Variants in PRICKLE1 observed in about 807,000 individuals in gnomAD.
The protein encoded by PRICKLE1 is prickle planar cell polarity protein 1.
Under a neutral mutation model 70.2 loss-of-function variants are expected in PRICKLE1, and 14 were observed. That is an observed-to-expected ratio of 0.20 (90% CI 0.13 to 0.31). The LOEUF (loss-of-function observed/expected upper bound fraction) is 0.31. PRICKLE1 is among the 10% of genes least tolerant of loss of function. PRICKLE1 has a pLI of 1.00. For synonymous variants in PRICKLE1, 357 were observed against 379.9 expected (o/e 0.94, Z 0.70); for missense variants, 821 against 1,026.2 (o/e 0.80, Z 2.73).
Position 42,459,836 on chromosome 12 carries a change from G to A in PRICKLE1, c.2469C>T (p.His823=), listed in dbSNP as rs766549997. 1 of 1,614,122 alleles carries A rather than the reference G, an allele frequency of 6.2e-7. No individual in the cohort carries two copies. Among genetic ancestry groups the A allele is most frequent in the South Asian group, 1.1e-5 (1 of 91,056 alleles). The change falls in exon 8 of 8, where the codon CAC becomes CAT. Residue 823 remains histidine, a synonymous_variant. Transcript: ENST00000345127. The stretch of plus-strand genomic sequence containing the variant: ...AAGAAATAATACAATTTTTGCCCTT[G>A]TGTCCCTTTTTCTTCTTGGATTTTG... The part of the protein sequence containing the change: ...RTTKSKKKKG[H]KGKNCIIS
At chr12:42,465,906 C>T in intron 6 of PRICKLE1, 1 of 494,064 alleles carries the variant, frequency 2.0e-6, no homozygotes, top group Non-Finnish European at 3.7e-6. Flanking sequence ...CTGCTGTGAC[C>T]AGAGGCTCAC....
chr12:42,511,869 G>T (rs1453331670), intron 1 of PRICKLE1, among the ~76,000 whole-genome samples: 1 of 152,158 alleles, frequency 6.6e-6, no homozygotes. Context: ...TGCAAAGAAT[G>T]CTTGAAAAAA....
At chr12:42,468,570 T>C in intron 5 of PRICKLE1, 56 bp downstream of exon 5, 1 of 1,500,568 alleles carries the variant, frequency 6.7e-7, no homozygotes, top group South Asian at 1.1e-5. Context: ...AACAGTGGAA[T>C]ATTGGCTTAA....
At chr12:42,468,210 A>G (rs912974006) in intron 5 of PRICKLE1, among the ~76,000 whole-genome samples, 11 of 152,220 alleles carry the variant, frequency 7.2e-5, no homozygotes, top group African/African-American at 2.4e-4. Context: ...AACTACTATT[A>G]ATTTGGTATT....
At chr12:42,542,576 A>T (rs1370590726) in intron 1 of PRICKLE1, among the ~76,000 whole-genome samples, 2 of 152,128 alleles carry the variant, frequency 1.3e-5, no homozygotes, top group Non-Finnish European at 2.9e-5. Flanking sequence ...GTTTGAACCC[A>T]GGAGGCGGAG....
At chr12:42,466,449 C>A in intron 5 of PRICKLE1, 69 bp from the exon 6 acceptor site, 1 of 1,419,154 alleles carries the variant, frequency 7.0e-7, no homozygotes, top group Non-Finnish European at 9.9e-7. Context: ...GGCCAAGTAA[C>A]TGCATGTTTT....
At chr12:42,508,553 T>A (rs569652280) in intron 1 of PRICKLE1, among the ~76,000 whole-genome samples, 1 of 152,190 alleles carries the variant, frequency 6.6e-6, no homozygotes, top group Non-Finnish European at 1.5e-5. Flanking sequence ...TCAACAGGAC[T>A]CATTGATAAG....
Position 42,472,565 on chromosome 12 carries a change from C to T in PRICKLE1, c.-48-1G>A, listed in dbSNP as rs1370762028. On this transcript the variant is annotated splice_acceptor_variant, in intron 1 of 7. Transcript: ENST00000345127. LOFTEE classifies it low-confidence loss of function (5UTR_SPLICE). ...GTCACAGGACATCAAACAATGGCTG[C>T]TGTGAACAATATAAGAAAAAACAAA... is the stretch of plus-strand genomic sequence containing the variant. The T allele has an allele frequency of 1.9e-6, 3 of 1,612,382 alleles. No individual in the cohort carries two copies. The highest frequency in any genetic ancestry group is 2.5e-6 in the Non-Finnish European group (3 of 1,178,660).
At chr12:42,502,988 T>A (rs1244113398) in intron 1 of PRICKLE1, among the ~76,000 whole-genome samples, 1 of 152,214 alleles carries the variant, frequency 6.6e-6, no homozygotes, top group Admixed American at 6.5e-5. Flanking sequence ...CTTGTAATAT[T>A]TTAAAATGTA....
intron 1 of PRICKLE1, among the ~76,000 whole-genome samples, chr12:42,585,479 A>AC (rs1159391147): frequency 6.6e-6 from 1 of 151,822 alleles, no homozygotes; most frequent in Non-Finnish European, 1.5e-5. Context: ...CACCCTCCCC[A>AC]CCCCCCACAA....
In PRICKLE1 at chr12:42,460,625, C is replaced by G. The variant is rs1310624941; in HGVS notation, c.1680G>C (p.Leu560Phe). 3 of 1,612,440 alleles carry G rather than the reference C, an allele frequency of 1.9e-6. No individual in the cohort carries two copies. The Admixed American group carries it at 5.0e-5, about 27-fold the overall frequency. ...VDGENKPRPS[L>F]YSLQNFEEME... ...TCTCCTCAAAATTTTGCAGAGAATA[C>G]AATGATGGCCTTGGCTTGTTTTCTC... Residue 560 changes from leucine to phenylalanine, a missense_variant, in exon 8 of 8, where the codon TTG becomes TTC. By Grantham distance (22) the Leu-to-Phe change is conservative. Coordinates refer to ENST00000345127, the MANE Select transcript of PRICKLE1 (RefSeq NM_153026.3).
chr12:42,490,151 A>C (rs1315049453), intron 1 of PRICKLE1: 1 of 152,240 alleles, frequency 6.6e-6, no homozygotes, highest in African/African-American at 2.4e-5. Flanking sequence ...GGTATGGTTA[A>C]ATTTTAATAT....
intron 1 of PRICKLE1, among the ~76,000 whole-genome samples, chr12:42,491,108 C>T (rs954422926): frequency 6.6e-6 from 1 of 150,516 alleles, no homozygotes; most frequent in African/African-American, 2.4e-5. Flanking sequence ...CTCCTGACCT[C>T]AGGGGATCTG....
chr12:42,587,499 C>T (rs1941002671), intron 1 of PRICKLE1, among the ~76,000 whole-genome samples: 1 of 152,220 alleles, frequency 6.6e-6, no homozygotes, highest in Admixed American at 6.5e-5. Context: ...TAGCACCTTT[C>T]GGTTTTAATA....
chr12:42,556,182 A>G (rs1346051942), intron 1 of PRICKLE1, among the ~76,000 whole-genome samples: 3 of 152,212 alleles, frequency 2.0e-5, no homozygotes, highest in Non-Finnish European at 4.4e-5. Context: ...CCTTGAGAGA[A>G]GCAAAAAGCT....
At chr12:42,475,176 C>G (rs1457070044) in intron 1 of PRICKLE1, among the ~76,000 whole-genome samples, 1 of 152,224 alleles carries the variant, frequency 6.6e-6, no homozygotes, top group Non-Finnish European at 1.5e-5. Flanking sequence ...AGCCTTTCAA[C>G]AAATTACACT....
intron 1 of PRICKLE1, among the ~76,000 whole-genome samples, chr12:42,477,838 A>G (rs1301162424): frequency 3.9e-5 from 6 of 152,146 alleles, no homozygotes; most frequent in Non-Finnish European, 5.9e-5. Flanking sequence ...GCTGCATTAT[A>G]ATGGAAATAG....
chr12:42,542,387 A>G (rs1164691242), intron 1 of PRICKLE1, among the ~76,000 whole-genome samples: 3 of 152,144 alleles, frequency 2.0e-5, no homozygotes, highest in African/African-American at 7.2e-5. Flanking sequence ...ACGGTGACTC[A>G]TGCCTGTAAT....
chr12:42,517,596 G>C (rs1164604822), intron 1 of PRICKLE1, among the ~76,000 whole-genome samples: 2 of 151,986 alleles, frequency 1.3e-5, no homozygotes, highest in Non-Finnish European at 2.9e-5. Context: ...ACAGGCTTGA[G>C]CCACCGCACC....
Sources: allele counts gnomAD v4.1 joint callset (sites outside exome capture counted in the v4.1 genomes callset), GRCh38; gene constraint gnomAD v4.1.1; transcripts MANE v1.5; gene names NCBI Gene and HGNC (gene_info 2026-07-23, HGNC 2026-07-21).